PLCD4: variants seen among roughly 807,000 people sequenced by gnomAD.
PLCD4 encodes phospholipase C delta 4, also known as 1-phosphatidylinositol 4,5-bisphosphate phosphodiesterase delta-4.
Under a neutral mutation model 90.2 loss-of-function variants are expected in PLCD4, and 63 were observed. The ratio of observed to expected loss-of-function variants is 0.70; its 90% CI spans 0.57 to 0.86. The LOEUF is 0.86. Among genes scored for constraint, PLCD4 ranks in the 40% least tolerant of loss-of-function variants. The pLI is 0.00. For missense variants in PLCD4, 830 were observed against 956.3 expected (o/e 0.87, Z 1.74); for synonymous variants, 294 against 356.5 (o/e 0.82, Z 1.97).
At chr2:218,624,502 T>C (rs1259947194) in intron 6 of PLCD4, among the ~76,000 whole-genome samples, 1 of 152,108 alleles carries the variant, frequency 6.6e-6, no homozygotes, top group African/African-American at 2.4e-5. Flanking sequence ...GCAGATAACC[T>C]GAGGCCAGGA....
intron 6 of PLCD4, among the ~76,000 whole-genome samples, 163 bp from the exon 7 acceptor site, chr2:218,627,866 A>C (rs563358495): frequency 1.5e-4 from 23 of 152,316 alleles, no homozygotes; most frequent in African/African-American, 5.5e-4. Flanking sequence ...AATGATTGAA[A>C]TGATACACAC....
chr2:218,613,394 A>G (rs1303481900), intron 1 of PLCD4, among the ~76,000 whole-genome samples: 1 of 26,680 alleles, frequency 3.7e-5, no homozygotes, highest in African/African-American at 1.3e-4. Context: ...TCTGTCTCCA[A>G]AAAAAAAAAA....
chr2:218,613,649 A>G (rs1695448954), intron 1 of PLCD4, among the ~76,000 whole-genome samples: 1 of 151,756 alleles, frequency 6.6e-6, no homozygotes, highest in Non-Finnish European at 1.5e-5. Context: ...CTGCAGCCTC[A>G]ACCTCCTGGG....
chr2:218,612,842 C>A (rs1695404254), intron 1 of PLCD4, among the ~76,000 whole-genome samples: 1 of 152,168 alleles, frequency 6.6e-6, no homozygotes, highest in Non-Finnish European at 1.5e-5. Flanking sequence ...GACCCCCCCA[C>A]ATTCTCCCTG....
intron 9 of PLCD4, 61 bp from the exon 10 acceptor site, chr2:218,632,075 T>A: frequency 6.7e-7 from 1 of 1,491,848 alleles, no homozygotes; most frequent in Non-Finnish European, 8.9e-7. Flanking sequence ...GAGACTGGCA[T>A]GATTCCCAGA....
At chr2:218,621,656 A>G (rs1018354337) in intron 5 of PLCD4, 57 bp downstream of exon 5, 3 of 1,605,746 alleles carry the variant, frequency 1.9e-6, no homozygotes, top group Admixed American at 1.7e-5. Flanking sequence ...TCATTTGGCC[A>G]GAAGTCCTCT....
intron 6 of PLCD4, among the ~76,000 whole-genome samples, chr2:218,623,448 G>T (rs1053333849): frequency 6.6e-6 from 1 of 152,152 alleles, no homozygotes; most frequent in East Asian, 1.9e-4. Context: ...TGAAATATAC[G>T]CTCTTGTTCT....
At chr2:218,608,675 G>A (rs571765029) in intron 1 of PLCD4, among the ~76,000 whole-genome samples, 2 of 152,268 alleles carry the variant, frequency 1.3e-5, no homozygotes, top group Admixed American at 1.3e-4. Context: ...AGAGTTTAGG[G>A]TTTCCCAGAC....
intron 7 of PLCD4, 93 bp from the exon 8 acceptor site, chr2:218,629,426 T>C (rs1696258293): frequency 4.2e-6 from 6 of 1,429,792 alleles, no homozygotes; most frequent in Non-Finnish European, 5.7e-6. Context: ...TAAGTGCTGG[T>C]GAGCACTGTT....
chr2:218,626,023 G>A (rs1002086070), intron 6 of PLCD4, among the ~76,000 whole-genome samples: 1 of 151,980 alleles, frequency 6.6e-6, no homozygotes, highest in Non-Finnish European at 1.5e-5. Context: ...GGAGGGTGAG[G>A]CAGGAGGACT....
rs906859909 is a variant in PLCD4 at position 218,621,493 on chromosome 2, G to A, written c.434G>A (p.Arg145His). Reference protein sequence around the residue: ...LDQWLSDWFQRGDKNQDGKMS... With the variant: ...LDQWLSDWFQHGDKNQDGKMS... ...GGATGGCTGAGCGATTGGTTTCAAC[G>A]TGGAGACAAAAATCAGGATGGTAAG... Residue 145 changes from arginine to histidine, a missense_variant, in exon 5 of 16, where the codon CGT becomes CAT. By Grantham distance (29) the Arg-to-His change is conservative. Transcript: ENST00000450993. 10 of 1,613,848 alleles carry A rather than the reference G, an allele frequency of 6.2e-6. No individual in the cohort carries two copies. Among genetic ancestry groups the A allele is most frequent in the African/African-American group, 2.7e-5 (2 of 74,936 alleles).
Position 218,634,906 on chromosome 2 carries a change from AATATAAAGTTCTTAC to A in PLCD4, c.1896+278_1896+292del, listed in dbSNP as rs1184169656. 2.0e-5 allele frequency among the ~76,000 whole-genome samples: 3 copies of A among 152,138 alleles called. No individual in the cohort carries two copies. The highest frequency in any genetic ancestry group is 2.9e-5 in the Non-Finnish European group (2 of 68,012). ...CAGGGTTATAAGGAGTATAACAGTT[AATATAAAGTTCTTAC>A]AATTCCTGGCACACAGGAAGTGCTA... On this transcript the variant is annotated intron_variant, in intron 13 of 15. Transcript: ENST00000450993. This position sits in a 1 kb window ranked among gnomAD's most constrained non-coding sequence, Gnocchi z 4.0.
intron 10 of PLCD4, chr2:218,633,130 C>T: frequency 2.1e-6 from 1 of 483,464 alleles, no homozygotes; most frequent in East Asian, 3.6e-5. Context: ...GGGACTCTCA[C>T]ATCCTTCCAG....
At chr2:218,612,423 ACTT>A (rs963154229) in intron 1 of PLCD4, among the ~76,000 whole-genome samples, 14 of 152,170 alleles carry the variant, frequency 9.2e-5, no homozygotes, top group African/African-American at 2.4e-5. Context: ...TTCCTGACAG[ACTT>A]CTTCTCAACC....
intron 6 of PLCD4, among the ~76,000 whole-genome samples, chr2:218,625,633 G>A (rs1696081589): frequency 6.6e-6 from 1 of 152,174 alleles, no homozygotes; most frequent in African/African-American, 2.4e-5. Context: ...ATTTATTACT[G>A]TCAAGAATGA....
intron 7 of PLCD4, 190 bp from the exon 8 acceptor site, chr2:218,629,329 T>G: frequency 1.7e-6 from 1 of 586,562 alleles, no homozygotes; most frequent in South Asian, 2.9e-5. Context: ...GGCTGAAGTA[T>G]GGGTAGAGAT....
chr2:218,620,083 T>C (rs2106133645), intron 4 of PLCD4, among the ~76,000 whole-genome samples: 1 of 152,284 alleles, frequency 6.6e-6, no homozygotes, highest in East Asian at 1.9e-4. Flanking sequence ...TTTTGCCACA[T>C]TGCTCAGGCT....
chr2:218,622,632 A>G lies in PLCD4; in HGVS notation c.541-15A>G. On this transcript the variant is annotated splice_polypyrimidine_tract_variant and intron_variant, in intron 5 of 15. Coordinates refer to ENST00000450993, the MANE Select transcript of PLCD4 (RefSeq NM_032726.4). ...TTAAAAGTTTCATTCACTCTCCCCTAAACCTCTCTTGCAGGCAGCAGACAC... is the reference window on the plus strand; with the variant it reads ...TTAAAAGTTTCATTCACTCTCCCCTGAACCTCTCTTGCAGGCAGCAGACAC... The G allele has an allele frequency of 1.2e-6, 2 of 1,600,250 alleles. No homozygotes were observed. Among genetic ancestry groups the G allele is most frequent in the Middle Eastern group, 1.7e-4 (1 of 6,028 alleles).
At chr2:218,630,921 CTCTTTAATG>C (rs1401548966) in intron 9 of PLCD4, 119 bp downstream of exon 9, 1 of 1,111,470 alleles carries the variant, frequency 9.0e-7, no homozygotes, top group Admixed American at 3.0e-5. Flanking sequence ...GACCATCTTG[CTCTTTAATG>C]TCCTTGGATC....
Sources: gnomAD v4.1 joint callset for allele counts (sites outside exome capture counted in the v4.1 genomes callset) on GRCh38, gnomAD v4.1.1 for gene constraint, Gnocchi (gnomAD v3.1) non-coding constraint, MANE v1.5 for transcripts, NCBI Gene and HGNC (gene_info 2026-07-23, HGNC 2026-07-21) for gene names.